Variants in ZNF695 observed in about 807,000 individuals in gnomAD.
ZNF695 encodes zinc finger protein SBZF3.
A neutral mutation model predicts 11.2 loss-of-function variants in ZNF695; 11 were observed. That is an observed-to-expected ratio of 0.98 (90% CI 0.62 to 1.62). The LOEUF (loss-of-function observed/expected upper bound fraction) is 1.62, where lower values mean the gene tolerates loss of function less well. Among genes scored for constraint, ZNF695 ranks in the 40% most tolerant of loss-of-function variants. The pLI, the probability that ZNF695 is intolerant of heterozygous loss-of-function variation, is 0.00. For synonymous variants in ZNF695, 190 were observed against 201.4 expected (o/e 0.94, Z 0.48); for missense variants, 559 against 590.5 (o/e 0.95, Z 0.55).
At chr1:246,951,856 C>T (rs947472891) in intron 5 of ZNF695, among the ~76,000 whole-genome samples, 1 of 152,172 alleles carries the variant, frequency 6.6e-6, no homozygotes, top group Admixed American at 6.5e-5. Flanking sequence ...ACCACCCTAC[C>T]TAGAGTGCAC....
At chr1:246,967,267 T>C (rs945803880) in intron 5 of ZNF695, 1 of 429,930 alleles carries the variant, frequency 2.3e-6, no homozygotes, top group South Asian at 1.6e-5. Flanking sequence ...GGATTATATA[T>C]TAAAAAGCCA....
chr1:246,951,915 C>A (rs1346456162), intron 5 of ZNF695, among the ~76,000 whole-genome samples: 1 of 152,180 alleles, frequency 6.6e-6, no homozygotes, highest in African/African-American at 2.4e-5. Flanking sequence ...CTTCACAGCA[C>A]CAGTTCATCT....
At chr1:246,955,893 C>A (rs1248518917) in intron 5 of ZNF695, among the ~76,000 whole-genome samples, 1 of 152,074 alleles carries the variant, frequency 6.6e-6, no homozygotes, top group Non-Finnish European at 1.5e-5. Flanking sequence ...CATCACTAAC[C>A]CCTTACTTGA....
At position 246,986,749 on chromosome 1, in the gene ZNF695, T is replaced by C; in HGVS notation, c.*218A>G. 7.8e-7 allele frequency: 1 copy of C among 1,280,210 alleles called. No individual in the cohort carries two copies. Among genetic ancestry groups the C allele is most frequent in the Non-Finnish European group, 9.8e-7 (1 of 1,016,910 alleles). The allele number at this position is 1,280,210 out of a possible 1,614,324, so 79.3% of individuals were successfully genotyped here. A position where few individuals can be genotyped will look rare whatever the true frequency, so the allele number is the denominator to read the frequency against. ...TCCCTCCAGTATAAATTCTTCTGTG[T>C]ACAGTAAGAGCTGTGATATAAGTGG... On this transcript the variant is annotated 3_prime_UTR_variant, in exon 4 of 4. Transcript: ENST00000339986.
At chr1:246,945,741 C>T (rs773135492) in exon 6 of ZNF695, 382 of 1,546,700 alleles carry the variant, frequency 2.5e-4, no homozygotes, top group Non-Finnish European at 3.1e-4. Flanking sequence ...ATTCGCCTCA[C>T]GGAGCAGGGA....
chr1:246,961,067 A>G (rs1350250701), intron 5 of ZNF695, among the ~76,000 whole-genome samples: 1 of 152,208 alleles, frequency 6.6e-6, no homozygotes, highest in Non-Finnish European at 1.5e-5. Flanking sequence ...GACTTGATTC[A>G]CTCATTGAAA....
intron 3 of ZNF695, among the ~76,000 whole-genome samples, chr1:246,989,019 G>C (rs183378825): frequency 2.0e-5 from 3 of 152,046 alleles, no homozygotes; most frequent in African/African-American, 7.3e-5. Context: ...GCGTGAACCC[G>C]GGAGGCGGAG....
At chr1:246,980,410 C>T (rs1443123018), downstream of ZNF695, among the ~76,000 whole-genome samples, 5 of 134,200 alleles carry the variant, frequency 3.7e-5, no homozygotes, top group African/African-American at 1.2e-4. Context: ...GATTTGCCCC[C>T]CTGCCACTTT....
Position 246,985,945 on chromosome 1 carries a change from T to G in ZNF695, c.*1022A>C. The G allele has an allele frequency of 1.0e-6, 1 of 985,472 alleles. No homozygotes were observed. The highest frequency in any genetic ancestry group is 4.7e-5 in the South Asian group (1 of 21,288). The allele number at this position is 985,472 out of a possible 1,614,324, so 61.0% of individuals were successfully genotyped here. On this transcript the variant is annotated 3_prime_UTR_variant, in exon 4 of 4. Coordinates refer to ENST00000339986, the MANE Select transcript of ZNF695 (RefSeq NM_020394.5). ...TTTCATGTAGCAACAGTAGGCCTCA[T>G]GCCTTCACATAAACACTAGAAATGA...
At chr1:246,967,276 C>T (rs1668313875) in intron 5 of ZNF695, 1 of 437,036 alleles carries the variant, frequency 2.3e-6, no homozygotes, top group South Asian at 1.6e-5. Flanking sequence ...ATTAAAAAGC[C>T]ACTGGATTGA....
At chr1:247,003,289 C>A (rs1288633563) in intron 1 of ZNF695, among the ~76,000 whole-genome samples, 1 of 152,128 alleles carries the variant, frequency 6.6e-6, no homozygotes, top group Admixed American at 6.6e-5. Context: ...CTATAACAAA[C>A]ACAAAATCAT....
At chr1:247,005,417 T>A (rs534701091) in intron 1 of ZNF695, among the ~76,000 whole-genome samples, 1 of 152,050 alleles carries the variant, frequency 6.6e-6, no homozygotes, top group Admixed American at 6.6e-5. Context: ...CTTGGCCGGG[T>A]GTGGTGGCTC....
In ZNF695 at chr1:246,985,930, C is replaced by A. The variant is rs1558314455; in HGVS notation, c.*1037G>T. On this transcript the variant is annotated 3_prime_UTR_variant, in exon 4 of 4. Coordinates refer to ENST00000339986, the MANE Select transcript of ZNF695 (RefSeq NM_020394.5). ...AGAAACTCTCACAGCTTTCATGTAG[C>A]AACAGTAGGCCTCATGCCTTCACAT... 2.0e-6 allele frequency: 2 copies of A among 985,414 alleles called. No individual in the cohort carries two copies. The highest frequency in any genetic ancestry group is 2.3e-4 in the East Asian group (2 of 8,820). 61.0% of individuals were successfully genotyped at this position (985,414 alleles called of 1,614,324 possible). A position where few individuals can be genotyped will look rare whatever the true frequency, so the allele number is the denominator to read the frequency against.
intron 1 of ZNF695, among the ~76,000 whole-genome samples, chr1:247,007,266 G>C (rs1173114003): frequency 3.3e-5 from 5 of 152,112 alleles, no homozygotes; most frequent in Non-Finnish European, 7.4e-5. Context: ...AGCACTTTGG[G>C]AGGCCGAGGC....
In ZNF695 at chr1:246,945,891, T is replaced by C; in HGVS notation, c.489-64A>G. 5 of 1,539,214 alleles carry C rather than the reference T, an allele frequency of 3.2e-6. No individual in the cohort carries two copies. The South Asian group carries it at 6.0e-5, about 18-fold the overall frequency. ...GAGTAGCTCCTTGGGATATGATTTA[T>C]GCTGAGGTGTTAAACCGGTTCTGAT... On this transcript the variant is annotated intron_variant, in intron 5 of 5. Transcript: ENST00000487338.
chr1:246,951,959 A>G (rs1453808908), intron 5 of ZNF695, among the ~76,000 whole-genome samples: 6 of 151,980 alleles, frequency 3.9e-5, no homozygotes, highest in Non-Finnish European at 8.8e-5. Flanking sequence ...GTACCACTAT[A>G]TATTTTTGAG....
At chr1:246,978,630 A>G (rs900122161) in intron 4 of ZNF695, among the ~76,000 whole-genome samples, 2 of 152,188 alleles carry the variant, frequency 1.3e-5, no homozygotes, top group Non-Finnish European at 2.9e-5. Context: ...GTCCAGCTCT[A>G]AAGTTACCAC....
chr1:246,997,624 A>G (rs1225151656), intron 3 of ZNF695, among the ~76,000 whole-genome samples: 1 of 152,230 alleles, frequency 6.6e-6, no homozygotes, highest in Non-Finnish European at 1.5e-5. Context: ...CCCCATGTTC[A>G]TTACAGCATT....
At chr1:246,991,958 G>A (rs10924885) in intron 3 of ZNF695, among the ~76,000 whole-genome samples, 31,243 of 151,982 alleles carry the variant, frequency 0.21, 4,044 homozygotes, top group African/African-American at 0.35. Flanking sequence ...CACTTTGGGA[G>A]GCCGAGGTGG....
Sources: gnomAD v4.1 joint callset for allele counts (sites outside exome capture counted in the v4.1 genomes callset) on GRCh38, gnomAD v4.1.1 for gene constraint, MANE v1.5 for transcripts, NCBI Gene and HGNC (gene_info 2026-07-23, HGNC 2026-07-21) for gene names.